PPARD: variants seen among roughly 807,000 people sequenced by gnomAD.
The protein encoded by PPARD is peroxisome proliferator-activated receptor delta.
PPARD carries 6 observed loss-of-function variants against 39.5 expected under a neutral mutation model. The ratio of observed to expected loss-of-function variants is 0.15; its 90% CI spans 0.08 to 0.30. PPARD has a LOEUF of 0.30. PPARD is among the 10% of genes least tolerant of loss of function. The probability of loss-of-function intolerance (pLI) is 1.00; values close to 1 mark genes in which losing one functional copy is unlikely to be tolerated. For synonymous variants in PPARD, 210 were observed against 231.3 expected (o/e 0.91, Z 0.83); for missense variants, 397 against 596.8 (o/e 0.67, Z 3.49).
At chr6:35,355,598 CTTTTTT>C (rs1166499750) in intron 2 of PPARD, among the ~76,000 whole-genome samples, 196 of 33,408 alleles carry the variant, frequency 5.9e-3, no homozygotes, top group Admixed American at 6.0e-3. Flanking sequence ...TCTTCTTCTT[CTTTTTT>C]TTTTTTTTTT....
intron 2 of PPARD, among the ~76,000 whole-genome samples, chr6:35,405,148 C>T (rs1371317512): frequency 1.3e-5 from 2 of 152,080 alleles, no homozygotes; most frequent in Non-Finnish European, 2.9e-5. Flanking sequence ...ACCTCTGTCT[C>T]CCTAGTTCAA....
At chr6:35,380,357 G>A (rs1763062112) in intron 2 of PPARD, among the ~76,000 whole-genome samples, 1 of 151,152 alleles carries the variant, frequency 6.6e-6, no homozygotes, top group African/African-American at 2.4e-5. Flanking sequence ...ACAGAAGAAT[G>A]ATGTCTCACC....
At position 35,399,821 on chromosome 6, in the gene PPARD, T is replaced by C. The variant is rs529137525; in HGVS notation, c.-101-11166T>C. ...AAATTCGTATTGTATTTTTCACTTATGTTATTAAATATTCTATGAAAACAT... is the reference window on the plus strand; with the variant it reads ...AAATTCGTATTGTATTTTTCACTTACGTTATTAAATATTCTATGAAAACAT... On this transcript the variant is annotated intron_variant, in intron 2 of 7. Coordinates refer to ENST00000360694, the MANE Select transcript of PPARD (RefSeq NM_006238.5). 8.1e-4 allele frequency among the ~76,000 whole-genome samples: 123 copies of C among 152,380 alleles called. 1 individual carries two copies. The highest frequency in any genetic ancestry group is 5.1e-4 in the Non-Finnish European group (35 of 68,040).
chr6:35,413,351 A>G (rs1765552424), intron 3 of PPARD, among the ~76,000 whole-genome samples: 1 of 152,204 alleles, frequency 6.6e-6, no homozygotes, highest in Non-Finnish European at 1.5e-5. Flanking sequence ...CTGTTTATCA[A>G]TAAGTGGATG....
At chr6:35,396,939 AG>A (rs1285016734) in intron 2 of PPARD, among the ~76,000 whole-genome samples, 3 of 152,162 alleles carry the variant, frequency 2.0e-5, no homozygotes, top group African/African-American at 7.2e-5. Flanking sequence ...TGCTGTGCCC[AG>A]CAGTATTTTC....
intron 2 of PPARD, among the ~76,000 whole-genome samples, chr6:35,367,412 C>T (rs1243142655): frequency 6.6e-6 from 1 of 152,140 alleles, no homozygotes; most frequent in Admixed American, 6.6e-5. Flanking sequence ...CACTGGCCTG[C>T]GCTTCAGACT....
At chr6:35,409,548 T>C (rs1000805925) in intron 2 of PPARD, among the ~76,000 whole-genome samples, 3 of 89,694 alleles carry the variant, frequency 3.3e-5, no homozygotes. Context: ...AGAAAACAGC[T>C]AAGAGTTTTG....
At chr6:35,348,850 C>G (rs1018585847) in intron 2 of PPARD, 4 of 985,364 alleles carry the variant, frequency 4.1e-6, no homozygotes, top group Non-Finnish European at 4.8e-6. Flanking sequence ...GGGAAGAGGT[C>G]AAAGTACCTC....
intron 5 of PPARD, 80 bp from the exon 6 acceptor site, chr6:35,423,866 T>C (rs1270889342): frequency 4.9e-6 from 7 of 1,430,362 alleles, no homozygotes; most frequent in Non-Finnish European, 6.8e-6. Context: ...ATTTGGCCCA[T>C]GCACCTGTAA....
At chr6:35,402,340 T>C (rs1453043077) in intron 2 of PPARD, among the ~76,000 whole-genome samples, 1 of 152,258 alleles carries the variant, frequency 6.6e-6, no homozygotes. Flanking sequence ...CAGTCTTCAG[T>C]GGCTGCGGTC....
In PPARD at chr6:35,412,120, G is replaced by T. The variant is rs1220128269; in HGVS notation, c.130+903G>T. ...ATTTTTGTATTTTTTTAGTAAAGAT[G>T]GGGTTTCACCATGTTGGCCAGGCTG... On this transcript the variant is annotated intron_variant, in intron 3 of 7. Transcript: ENST00000360694. The surrounding 1 kb of genome is among the most constrained non-coding windows in gnomAD (Gnocchi z 4.1). Among the ~76,000 whole-genome samples, 1 of 152,022 alleles carries T rather than the reference G, an allele frequency of 6.6e-6. No homozygotes were observed. Among genetic ancestry groups the T allele is most frequent in the Non-Finnish European group, 1.5e-5 (1 of 68,008 alleles).
intron 2 of PPARD, among the ~76,000 whole-genome samples, chr6:35,354,286 A>G (rs1309579226): frequency 7.0e-6 from 1 of 142,906 alleles, no homozygotes; most frequent in African/African-American, 2.7e-5. Context: ...CCCATCCTTT[A>G]GTACTCATAC....
intron 2 of PPARD, among the ~76,000 whole-genome samples, chr6:35,403,657 C>T (rs9658125): frequency 0.12 from 18,541 of 152,146 alleles, 2,719 homozygotes; most frequent in African/African-American, 0.35. Context: ...AAACTGATAA[C>T]ATGGTGAGGC....
At chr6:35,385,087 G>A (rs1427690926) in intron 2 of PPARD, among the ~76,000 whole-genome samples, 9 of 146,394 alleles carry the variant, frequency 6.1e-5, no homozygotes, top group Non-Finnish European at 1.0e-4. Flanking sequence ...CGCCCCTACT[G>A]GGAAGTGAGG....
intron 2 of PPARD, among the ~76,000 whole-genome samples, chr6:35,354,499 C>T (rs1761454542): frequency 6.6e-6 from 1 of 151,918 alleles, no homozygotes; most frequent in Non-Finnish European, 1.5e-5. Context: ...TAGGATTTCA[C>T]AATGTTGGCC....
In PPARD at chr6:35,427,876, ACT is replaced by A. The variant is rs1255541280; in HGVS notation, c.*1802_*1803del. 1 of 152,700 alleles carries A rather than the reference ACT, an allele frequency of 6.5e-6. No homozygotes were observed. The highest frequency in any genetic ancestry group is 6.5e-5 in the Admixed American group (1 of 15,282). The allele number at this position is 152,700 out of a possible 1,614,324, so 9.5% of individuals were successfully genotyped here. A position where few individuals can be genotyped will look rare whatever the true frequency, so the allele number is the denominator to read the frequency against. The stretch of plus-strand genomic sequence containing the variant: ...AGCCTCCCTTCCATGCCCCAGGATC[ACT>A]CTCTGCTGGCAGGATTCTTCCCGCT... On this transcript the variant is annotated 3_prime_UTR_variant, in exon 8 of 8. Transcript: ENST00000360694.
intron 2 of PPARD, among the ~76,000 whole-genome samples, chr6:35,376,440 T>C (rs1465218407): frequency 6.6e-6 from 1 of 152,208 alleles, no homozygotes; most frequent in Non-Finnish European, 1.5e-5. Context: ...GCTACTTCTC[T>C]TTTTGTGTCT....
At chr6:35,358,430 G>A (rs1761742388) in intron 2 of PPARD, among the ~76,000 whole-genome samples, 2 of 152,178 alleles carry the variant, frequency 1.3e-5, no homozygotes, top group African/African-American at 2.4e-5. Context: ...GTTTTAAGTC[G>A]CTAAGTTTGT....
rs1766699248 is a variant in PPARD, at chr6:35,428,034, T to TG, written c.*1956dup. ...CCCTGCCCCGACCCGGGTCTGGTGCTGAGGATACAGCTCTTCTCAGTGTCT... is the reference window on the plus strand; with the variant it reads ...CCCTGCCCCGACCCGGGTCTGGTGCTGGAGGATACAGCTCTTCTCAGTGTCT... On this transcript the variant is annotated 3_prime_UTR_variant, in exon 8 of 8. Transcript: ENST00000360694. The TG allele has an allele frequency of 6.6e-6, 1 of 152,660 alleles. No individual in the cohort carries two copies. Among genetic ancestry groups the TG allele is most frequent in the Non-Finnish European group, 1.5e-5 (1 of 68,068 alleles). The allele number at this position is 152,660 out of a possible 1,614,324, so 9.5% of individuals were successfully genotyped here.
Sources: allele counts gnomAD v4.1 joint callset (sites outside exome capture counted in the v4.1 genomes callset), GRCh38; gene constraint gnomAD v4.1.1; non-coding constraint Gnocchi (gnomAD v3.1); transcripts MANE v1.5; gene names NCBI Gene and HGNC (gene_info 2026-07-23, HGNC 2026-07-21).